Variants in SYNJ2 observed in about 807,000 individuals in gnomAD.
SYNJ2 encodes polyphosphatidylinositol phosphatase SYNJ2.
A neutral mutation model predicts 141.3 loss-of-function variants in SYNJ2; 116 were observed. The ratio of observed to expected loss-of-function variants is 0.82; its 90% CI spans 0.71 to 0.96. The LOEUF is 0.96. Ranked by LOEUF, SYNJ2 falls within the 40% of genes least tolerant of loss-of-function variation. The probability of loss-of-function intolerance (pLI) is 0.00; values close to 1 mark genes in which losing one functional copy is unlikely to be tolerated. For synonymous variants in SYNJ2, 745 were observed against 777.7 expected, an observed-to-expected ratio of 0.96 and a Z score of 0.70; for missense variants, 1,873 against 1,934.8, an observed-to-expected ratio of 0.97 and a Z score of 0.60.
intron 5 of SYNJ2, among the ~76,000 whole-genome samples, chr6:158,048,772 A>G (rs536266448): frequency 2.0e-5 from 3 of 152,150 alleles, no homozygotes; most frequent in African/African-American, 7.2e-5. Context: ...GCTGTGGTGT[A>G]AATTCTCCCA....
intron 26 of SYNJ2, chr6:158,093,875 ACTTTT>A (rs1015777481): frequency 1.4e-5 from 11 of 764,596 alleles, no homozygotes; most frequent in Non-Finnish European, 2.6e-5. Flanking sequence ...TTTTCTTGCC[ACTTTT>A]CTTGCAGATT....
At position 158,071,748 on chromosome 6, in the gene SYNJ2, G is replaced by T; in HGVS notation, c.2087G>T (p.Arg696Leu). Residue 696 changes from arginine to leucine, a missense_variant, in exon 15 of 27, where the codon CGG (arginine) becomes CTG (leucine). Transcript: ENST00000355585. The surrounding 1 kb of genome is among the most constrained non-coding windows in gnomAD (Gnocchi z 4.3). ...GCCGGGCAGTCCCAGGTGAAGGAGCGGAATGAAGACTACAAGGAGATCACC... is the reference window on the plus strand; with the variant it reads ...GCCGGGCAGTCCCAGGTGAAGGAGCTGAATGAAGACTACAAGGAGATCACC... ...LTAGQSQVKE[R>L]NEDYKEITQK... 1 of 1,613,914 alleles carries T rather than the reference G, an allele frequency of 6.2e-7. No homozygotes were observed. Among genetic ancestry groups the T allele is most frequent in the East Asian group, 2.2e-5 (1 of 44,882 alleles).
In SYNJ2 at chr6:158,005,601, G is replaced by C. The variant is rs138477730; in HGVS notation, c.128-11603G>C. Among the ~76,000 whole-genome samples, 43 of 151,590 alleles carry C rather than the reference G, an allele frequency of 2.8e-4. 1 individual carries two copies. The East Asian group carries it at 8.2e-3, about 29-fold the overall frequency. On this transcript the variant is annotated intron_variant, in intron 1 of 26. Coordinates refer to ENST00000355585, the MANE Select transcript of SYNJ2 (RefSeq NM_003898.4). ...CGCCTGCACCAGCCGCTGTGCAGTAGAAGTTTCTGGAGATGCCCCACTACC... is the reference window on the plus strand; with the variant it reads ...CGCCTGCACCAGCCGCTGTGCAGTACAAGTTTCTGGAGATGCCCCACTACC...
At chr6:158,091,216 C>T (rs894125104) in intron 25 of SYNJ2, among the ~76,000 whole-genome samples, 1 of 151,848 alleles carries the variant, frequency 6.6e-6, no homozygotes, top group African/African-American at 2.4e-5. Context: ...ACTCAGGAGG[C>T]TGAGGCAGGA....
intron 1 of SYNJ2, among the ~76,000 whole-genome samples, chr6:157,986,485 C>G (rs1211536010): frequency 6.6e-6 from 1 of 152,158 alleles, no homozygotes; most frequent in African/African-American, 2.4e-5. Context: ...AGGCATGCAC[C>G]ACCACGCCCG....
chr6:158,067,506 C>T (rs1167552135), intron 12 of SYNJ2: 2 of 985,350 alleles, frequency 2.0e-6, no homozygotes, highest in Admixed American at 6.1e-5. Context: ...AACTTAGGAT[C>T]TGAAGAATAA....
At chr6:158,000,063 G>GTTTTTT (rs1777779605) in intron 1 of SYNJ2, among the ~76,000 whole-genome samples, 2 of 78,314 alleles carry the variant, frequency 2.6e-5, no homozygotes, top group Admixed American at 1.4e-4. Flanking sequence ...AAGCCAAAAG[G>GTTTTTT]CTTTTTTTTT....
At chr6:158,046,666 T>A (rs1780251770) in intron 5 of SYNJ2, among the ~76,000 whole-genome samples, 1 of 152,186 alleles carries the variant, frequency 6.6e-6, no homozygotes, top group South Asian at 2.1e-4. Context: ...GTCTGCATGT[T>A]TTCCTGGGTA....
chr6:158,048,331 A>G (rs186166881), intron 5 of SYNJ2, among the ~76,000 whole-genome samples: 227 of 152,304 alleles, frequency 1.5e-3, no homozygotes, highest in African/African-American at 4.9e-3. Context: ...AGAGGGAACA[A>G]TGGGTGCAGG....
intron 5 of SYNJ2, among the ~76,000 whole-genome samples, chr6:158,046,732 A>G (rs569483103): frequency 1.3e-5 from 2 of 152,282 alleles, no homozygotes; most frequent in East Asian, 3.9e-4. Flanking sequence ...CCTTTAATAA[A>G]TTTCATTTTT....
chr6:158,070,345 T>C lies in SYNJ2; in HGVS notation c.1940+672T>C. On this transcript the variant is annotated intron_variant, in intron 14 of 26. Coordinates refer to ENST00000355585, the MANE Select transcript of SYNJ2 (RefSeq NM_003898.4). The surrounding 1 kb of genome is among the most constrained non-coding windows in gnomAD (Gnocchi z 4.0). ...GAGCCCCTGGGTCCCGGGAAGGGCC[T>C]GTGCCTGCCAAGAGCACCACGGGTA... The C allele has an allele frequency of 3.0e-6, 3 of 985,524 alleles. No individual in the cohort carries two copies. The highest frequency in any genetic ancestry group is 3.6e-6 in the Non-Finnish European group (3 of 830,016). 61.0% of individuals were successfully genotyped at this position (985,524 alleles called of 1,614,324 possible). A position where few individuals can be genotyped will look rare whatever the true frequency, so the allele number is the denominator to read the frequency against.
At chr6:158,038,980 G>A (rs1197619293) in intron 4 of SYNJ2, among the ~76,000 whole-genome samples, 17 of 152,228 alleles carry the variant, frequency 1.1e-4, no homozygotes, top group Admixed American at 1.0e-3. Context: ...CATGGGCCTG[G>A]TGGGGGGTCA....
At chr6:157,984,048 C>T (rs1262331337) in intron 1 of SYNJ2, among the ~76,000 whole-genome samples, 1 of 152,148 alleles carries the variant, frequency 6.6e-6, no homozygotes, top group African/African-American at 2.4e-5. Context: ...GTTGCCCATG[C>T]TGTTCTCGAA....
chr6:158,086,735 G>GCCTTC lies in SYNJ2; in HGVS notation c.3209-119_3209-115dup. On this transcript the variant is annotated intron_variant, in intron 22 of 26. Coordinates refer to ENST00000355585, the MANE Select transcript of SYNJ2 (RefSeq NM_003898.4). Reference sequence around the variant, plus strand: ...ACAGAGGTGCCCGTTTCTGGACAGAGCCTTCAGCTGTCCTACAGCAGGTCC... The same window carrying GCCTTC: ...ACAGAGGTGCCCGTTTCTGGACAGAGCCTTCCCTTCAGCTGTCCTACAGCAGGTCC... The GCCTTC allele has an allele frequency of 4.3e-6, 4 of 923,666 alleles. No homozygotes were observed. In the Admixed American group the frequency reaches 1.1e-4, roughly 25 times the overall value. The allele number at this position is 923,666 out of a possible 1,614,324, so 57.2% of individuals were successfully genotyped here.
chr6:158,081,532 T>C, intron 20 of SYNJ2, 22 bp downstream of exon 20: 1 of 1,591,540 alleles, frequency 6.3e-7, no homozygotes, highest in South Asian at 1.1e-5. Flanking sequence ...TTGGCCACAC[T>C]GTGGAGTGGG....
chr6:158,080,419 G>T (rs529471467), intron 18 of SYNJ2, among the ~76,000 whole-genome samples: 1 of 151,538 alleles, frequency 6.6e-6, no homozygotes, highest in East Asian at 1.9e-4. Flanking sequence ...AGGTTGCAGT[G>T]GGCTGAGATC....
intron 1 of SYNJ2, among the ~76,000 whole-genome samples, chr6:158,013,011 C>A (rs1778322532): frequency 6.6e-6 from 1 of 152,154 alleles, no homozygotes; most frequent in Non-Finnish European, 1.5e-5. Flanking sequence ...GGTTCTTAAC[C>A]TTTTTGGGGG....
chr6:158,037,224 C>T (rs1461382690), intron 4 of SYNJ2, among the ~76,000 whole-genome samples: 1 of 152,028 alleles, frequency 6.6e-6, no homozygotes, highest in African/African-American at 2.4e-5. Context: ...TTCGAAGTCC[C>T]CCTGGGGAGA....
At chr6:158,007,110 T>C (rs895709253) in intron 1 of SYNJ2, among the ~76,000 whole-genome samples, 3 of 152,030 alleles carry the variant, frequency 2.0e-5, no homozygotes, top group African/African-American at 7.2e-5. Context: ...AGACCACAAG[T>C]GTGCACACCT....
Sources: allele counts gnomAD v4.1 joint callset (sites outside exome capture counted in the v4.1 genomes callset), GRCh38; gene constraint gnomAD v4.1.1; non-coding constraint Gnocchi (gnomAD v3.1); transcripts MANE v1.5; gene names NCBI Gene and HGNC (gene_info 2026-07-23, HGNC 2026-07-21).